CPNE8: variants seen among roughly 807,000 people sequenced by gnomAD.
CPNE8 encodes copine 8.
In CPNE8, 45 loss-of-function variants were observed where a neutral mutation model predicts 81.5. That is an observed-to-expected ratio of 0.55 (90% CI 0.44 to 0.71). The LOEUF (loss-of-function observed/expected upper bound fraction) is 0.71. Among genes scored for constraint, CPNE8 ranks in the 30% least tolerant of loss-of-function variants. The pLI, the probability that CPNE8 is intolerant of heterozygous loss-of-function variation, is 0.00. For missense variants in CPNE8, 594 were observed against 672.1 expected, an observed-to-expected ratio of 0.88 and a Z score of 1.28; for synonymous variants, 252 against 226.3, an observed-to-expected ratio of 1.11 and a Z score of -1.02.
At chr12:38,859,467 G>C (rs1442650823) in intron 3 of CPNE8, among the ~76,000 whole-genome samples, 1 of 152,078 alleles carries the variant, frequency 6.6e-6, no homozygotes, top group Non-Finnish European at 1.5e-5. Context: ...CATGTTAATG[G>C]ATTGGAAAAT....
At chr12:38,740,743 C>T (rs933426948) in intron 10 of CPNE8, among the ~76,000 whole-genome samples, 5 of 152,166 alleles carry the variant, frequency 3.3e-5, no homozygotes, top group African/African-American at 1.2e-4. Flanking sequence ...ATGAAGCCCA[C>T]TTGATCATGG....
At chr12:38,771,490 T>C (rs1941802342) in intron 7 of CPNE8, among the ~76,000 whole-genome samples, 1 of 152,084 alleles carries the variant, frequency 6.6e-6, no homozygotes, top group Non-Finnish European at 1.5e-5. Flanking sequence ...TGATTGAAGA[T>C]ACACTCCCAA....
intron 3 of CPNE8, among the ~76,000 whole-genome samples, chr12:38,869,771 G>A (rs1401831819): frequency 1.3e-5 from 2 of 151,360 alleles, no homozygotes; most frequent in Non-Finnish European, 2.9e-5. Flanking sequence ...TATAACTCTG[G>A]GTCCTATCTC....
intron 6 of CPNE8, among the ~76,000 whole-genome samples, chr12:38,778,379 T>A (rs573361153): frequency 6.6e-6 from 1 of 152,260 alleles, no homozygotes; most frequent in East Asian, 1.9e-4. Context: ...AACAAAATGT[T>A]CTCATGGTTT....
At chr12:38,906,624 C>T (rs1944575892), upstream of CPNE8, 2 of 985,246 alleles carry the variant, frequency 2.0e-6, no homozygotes, top group African/African-American at 1.7e-5. Flanking sequence ...GTGAGCGCTG[C>T]GTTTGGGAAA....
At chr12:38,794,072 T>C (rs1450130498) in intron 6 of CPNE8, among the ~76,000 whole-genome samples, 2 of 152,078 alleles carry the variant, frequency 1.3e-5, no homozygotes, top group African/African-American at 2.4e-5. Context: ...CTCAAATGGA[T>C]TAAAGACTTA....
intron 10 of CPNE8, among the ~76,000 whole-genome samples, chr12:38,753,089 A>G (rs1941385171): frequency 6.6e-6 from 1 of 152,202 alleles, no homozygotes; most frequent in South Asian, 2.1e-4. Context: ...AATATTATTT[A>G]AGGTAATTTC....
intron 6 of CPNE8, among the ~76,000 whole-genome samples, 166 bp downstream of exon 6, chr12:38,829,213 G>C (rs994044182): frequency 6.6e-6 from 1 of 152,076 alleles, no homozygotes; most frequent in Non-Finnish European, 1.5e-5. Flanking sequence ...AGGTGACATA[G>C]AAATTATTCT....
At chr12:38,811,130 C>A (rs921804126) in intron 6 of CPNE8, among the ~76,000 whole-genome samples, 1 of 152,088 alleles carries the variant, frequency 6.6e-6, no homozygotes, top group Admixed American at 6.6e-5. Flanking sequence ...AGCCAAAATT[C>A]TTCCTTCTAC....
chr12:38,727,975 T>C (rs1940742546), intron 11 of CPNE8, among the ~76,000 whole-genome samples: 1 of 152,190 alleles, frequency 6.6e-6, no homozygotes, highest in Non-Finnish European at 1.5e-5. Context: ...TGTCAAAATA[T>C]CTGCTGATCA....
intron 19 of CPNE8, among the ~76,000 whole-genome samples, chr12:38,665,119 CCT>C (rs1179179037): frequency 6.6e-6 from 1 of 152,006 alleles, no homozygotes; most frequent in Non-Finnish European, 1.5e-5. Flanking sequence ...ACAAAATTGC[CCT>C]CTTTCTTAGA....
chr12:38,678,245 C>A (rs868266443), intron 16 of CPNE8, among the ~76,000 whole-genome samples: 1 of 151,730 alleles, frequency 6.6e-6, no homozygotes, highest in Non-Finnish European at 1.5e-5. Flanking sequence ...AAAGATGAGA[C>A]GGAGAGTTAT....
rs932746892 is a variant in CPNE8, at chr12:38,742,595, G to C, written c.723-12237C>G. Among the ~76,000 whole-genome samples the C allele has an allele frequency of 2.0e-5, 3 of 151,296 alleles. No homozygotes were observed. The Admixed American group carries it at 2.0e-4, about 10-fold the overall frequency. On this transcript the variant is annotated intron_variant, in intron 10 of 19. Transcript: ENST00000331366. ...CCTAATGTAAATGACGAGTTAATTTGTGCAGCACACCAACATGGCACATGT... is the reference window on the plus strand; with the variant it reads ...CCTAATGTAAATGACGAGTTAATTTCTGCAGCACACCAACATGGCACATGT...
At chr12:38,695,279 A>G (rs970915835) in intron 14 of CPNE8, among the ~76,000 whole-genome samples, 1 of 152,198 alleles carries the variant, frequency 6.6e-6, no homozygotes, top group Non-Finnish European at 1.5e-5. Context: ...ATAAACATCA[A>G]GAAAAACAGC....
At chr12:38,845,916 T>C (rs1265828925) in intron 4 of CPNE8, among the ~76,000 whole-genome samples, 1 of 152,190 alleles carries the variant, frequency 6.6e-6, no homozygotes, top group African/African-American at 2.4e-5. Context: ...GAATTGAATT[T>C]CTGAAACTAA....
At chr12:38,821,282 C>G (rs551970046) in intron 6 of CPNE8, among the ~76,000 whole-genome samples, 1 of 152,206 alleles carries the variant, frequency 6.6e-6, no homozygotes, top group Admixed American at 6.5e-5. Flanking sequence ...TTTGCATATT[C>G]ATCATTGTAT....
At chr12:38,849,803 A>G (rs998104283) in intron 3 of CPNE8, among the ~76,000 whole-genome samples, 2 of 150,922 alleles carry the variant, frequency 1.3e-5, no homozygotes, top group Non-Finnish European at 3.0e-5. Context: ...TTAAACAATA[A>G]TATCAATTAC....
At chr12:38,765,405 C>A (rs1437766591) in intron 8 of CPNE8, among the ~76,000 whole-genome samples, 1 of 152,048 alleles carries the variant, frequency 6.6e-6, no homozygotes, top group African/African-American at 2.4e-5. Flanking sequence ...ATATAAATAT[C>A]ACGCTACTAA....
intron 1 of CPNE8, among the ~76,000 whole-genome samples, chr12:38,885,597 C>G (rs1205704936): frequency 6.6e-6 from 1 of 152,082 alleles, no homozygotes; most frequent in Non-Finnish European, 1.5e-5. Flanking sequence ...CAGAAATATC[C>G]AAACTGCTTT....
Sources: allele counts gnomAD v4.1 joint callset (sites outside exome capture counted in the v4.1 genomes callset), GRCh38; gene constraint gnomAD v4.1.1; transcripts MANE v1.5; gene names NCBI Gene and HGNC (gene_info 2026-07-23, HGNC 2026-07-21).